MAP1B: variants seen among roughly 807,000 people sequenced by gnomAD.
The protein encoded by MAP1B is microtubule associated protein 1B.
In MAP1B, 12 loss-of-function variants were observed where a neutral mutation model predicts 176.1. That is an observed-to-expected ratio of 0.07 (90% confidence interval 0.04 to 0.11). MAP1B has a LOEUF of 0.11. Among genes scored for constraint, MAP1B ranks in the 10% least tolerant of loss-of-function variants. The pLI is 1.00. For missense variants in MAP1B, 2,523 were observed against 2,990.5 expected (o/e 0.84, Z 3.65); for synonymous variants, 1,044 against 1,135.0 (o/e 0.92, Z 1.61).
intron 2 of MAP1B, among the ~76,000 whole-genome samples, chr5:72,169,996 C>G (rs1746504506): frequency 6.6e-6 from 1 of 152,180 alleles, no homozygotes. Flanking sequence ...CCAAACAACA[C>G]TCTTTATTTA....
intron 2 of MAP1B, among the ~76,000 whole-genome samples, chr5:72,135,272 T>C (rs540464832): frequency 3.9e-5 from 6 of 152,174 alleles, no homozygotes; most frequent in Non-Finnish European, 7.3e-5. Context: ...GCAATAGTAC[T>C]TGCATCTCAA....
chr5:72,197,503 C>T lies in MAP1B; in HGVS notation c.4148C>T (p.Pro1383Leu). ...GCTTCAGTAAGCCCCATGGATGAGC[C>T]CGTGCCTGACTCAGAGTCTCCTATT... Reference protein sequence around the residue: ...ERASVSPMDEPVPDSESPIEK... With the variant: ...ERASVSPMDELVPDSESPIEK... The change falls in exon 5 of 7, where the codon CCC becomes CTC. Residue 1383 changes from proline to leucine, a missense_variant. Pro to Leu is a moderately conservative substitution (Grantham distance 98). Coordinates refer to ENST00000296755, the MANE Select transcript of MAP1B (RefSeq NM_005909.5). 6.2e-7 allele frequency: 1 copy of T among 1,614,180 alleles called. No homozygotes were observed.
intron 2 of MAP1B, among the ~76,000 whole-genome samples, chr5:72,167,904 G>C (rs1746461194): frequency 1.3e-5 from 2 of 152,204 alleles, no homozygotes; most frequent in South Asian, 4.1e-4. Context: ...GAACGATGTA[G>C]ATAACACATT....
intron 2 of MAP1B, among the ~76,000 whole-genome samples, chr5:72,180,782 A>G (rs1746747530): frequency 6.6e-6 from 1 of 152,008 alleles, no homozygotes; most frequent in Non-Finnish European, 1.5e-5. Flanking sequence ...TTTGGCCAAT[A>G]TTCTCTTAAT....
chr5:72,132,259 G>A (rs1049245289), intron 2 of MAP1B, among the ~76,000 whole-genome samples: 10 of 152,058 alleles, frequency 6.6e-5, no homozygotes, highest in Non-Finnish European at 1.3e-4. Context: ...ATTAAAATAC[G>A]GTGTAAGGAA....
chr5:72,168,441 T>C (rs1561403), intron 2 of MAP1B, among the ~76,000 whole-genome samples: 64,991 of 152,094 alleles, frequency 0.43, 14,206 homozygotes, highest in African/African-American at 0.5. Context: ...TAATACATTC[T>C]AAGAACTTTG....
intron 2 of MAP1B, among the ~76,000 whole-genome samples, chr5:72,161,952 G>A (rs1345538111): frequency 1.0e-4 from 6 of 59,170 alleles, no homozygotes; most frequent in South Asian, 8.7e-4. Flanking sequence ...GCGAAATTCC[G>A]TCTCAAAAAA....
At chr5:72,178,939 G>A (rs1436834730) in intron 2 of MAP1B, among the ~76,000 whole-genome samples, 1 of 152,082 alleles carries the variant, frequency 6.6e-6, no homozygotes, top group Non-Finnish European at 1.5e-5. Context: ...CAATTAATCT[G>A]TCACATTTTC....
At chr5:72,187,892 C>A (rs1334819319) in intron 4 of MAP1B, among the ~76,000 whole-genome samples, 3 of 152,140 alleles carry the variant, frequency 2.0e-5, no homozygotes, top group African/African-American at 7.2e-5. Flanking sequence ...TTTTTGAAGC[C>A]ACAGCTGTCA....
chr5:72,146,351 A>T (rs540813485), intron 2 of MAP1B, among the ~76,000 whole-genome samples: 1 of 152,158 alleles, frequency 6.6e-6, no homozygotes, highest in African/African-American at 2.4e-5. Flanking sequence ...ATCATGTCCT[A>T]TGGAGGAGGC....
chr5:72,129,735 C>T (rs1321429916), intron 2 of MAP1B, among the ~76,000 whole-genome samples: 1 of 152,036 alleles, frequency 6.6e-6, no homozygotes, highest in East Asian at 1.9e-4. Context: ...TTGTGTCCTC[C>T]CTGCCACCAG....
rs1365278319 is a variant in MAP1B, at chr5:72,206,860, A to G, written c.*1621A>G. The G allele has an allele frequency of 6.6e-6, 1 of 152,116 alleles. No homozygotes were observed. The highest frequency in any genetic ancestry group is 1.9e-4 in the East Asian group (1 of 5,192). The allele number at this position is 152,116 out of a possible 1,614,324, so 9.4% of individuals were successfully genotyped here. On this transcript the variant is annotated 3_prime_UTR_variant, in exon 7 of 7. Transcript: ENST00000296755. ...TTGATTCCCATAACATAAAAGTGCT[A>G]CTTGAGAGTGGGGGAGAATGGCATG...
intron 2 of MAP1B, among the ~76,000 whole-genome samples, chr5:72,152,515 C>T (rs1746158671): frequency 6.6e-6 from 1 of 152,170 alleles, no homozygotes; most frequent in African/African-American, 2.4e-5. Flanking sequence ...GGCGCAATCT[C>T]GGCCCACTGC....
chr5:72,121,976 A>G (rs1158314141), intron 2 of MAP1B, among the ~76,000 whole-genome samples: 1 of 152,224 alleles, frequency 6.6e-6, no homozygotes, highest in African/African-American at 2.4e-5. Context: ...GTTTGTGTAC[A>G]CGCACAGGTC....
intron 2 of MAP1B, among the ~76,000 whole-genome samples, chr5:72,177,279 C>T (rs1338180571): frequency 6.6e-6 from 1 of 152,152 alleles, no homozygotes; most frequent in African/African-American, 2.4e-5. Context: ...GATGGAGAGC[C>T]GCTCATTGTA....
intron 2 of MAP1B, among the ~76,000 whole-genome samples, chr5:72,174,041 A>G (rs1746600147): frequency 6.6e-6 from 1 of 152,216 alleles, no homozygotes; most frequent in Non-Finnish European, 1.5e-5. Flanking sequence ...GAGGTGAAAG[A>G]ATCACTTCAG....
intron 2 of MAP1B, among the ~76,000 whole-genome samples, chr5:72,141,156 A>G (rs142247632): frequency 6.6e-6 from 1 of 152,248 alleles, no homozygotes; most frequent in East Asian, 1.9e-4. Flanking sequence ...CTCCTGGGGT[A>G]CATGTCCACG....
intron 2 of MAP1B, among the ~76,000 whole-genome samples, chr5:72,170,122 A>G (rs1020901080): frequency 2.0e-5 from 3 of 152,230 alleles, no homozygotes; most frequent in Non-Finnish European, 2.9e-5. Context: ...TTAAATGAAC[A>G]CATCAGCATT....
chr5:72,197,488 G>A lies in MAP1B; in HGVS notation c.4133G>A (p.Ser1378Asn), dbSNP rs1358300352. ...AKDENERASV[S>N]PMDEPVPDSE... is the part of the protein sequence containing the mutation. ...GATGAGAATGAAAGGGCTTCAGTAAGCCCCATGGATGAGCCCGTGCCTGAC... is the reference window on the plus strand; with the variant it reads ...GATGAGAATGAAAGGGCTTCAGTAAACCCCATGGATGAGCCCGTGCCTGAC... The change falls in exon 5 of 7, where the codon AGC becomes AAC. Residue 1378 changes from serine (S) to asparagine (N), a missense_variant. Coordinates refer to ENST00000296755, the MANE Select transcript of MAP1B (RefSeq NM_005909.5). The A allele has an allele frequency of 3.1e-6, 5 of 1,614,050 alleles. No homozygotes were observed. Among genetic ancestry groups the A allele is most frequent in the Non-Finnish European group, 4.2e-6 (5 of 1,180,036 alleles).
Sources: allele counts gnomAD v4.1 joint callset (sites outside exome capture counted in the v4.1 genomes callset), GRCh38; gene constraint gnomAD v4.1.1; transcripts MANE v1.5; gene names NCBI Gene and HGNC (gene_info 2026-07-23, HGNC 2026-07-21).